The following ERBIN variants were observed in gnomAD, a reference collection of about 807,000 sequenced individuals.
ERBIN encodes densin-180-like protein.
In ERBIN, 60 loss-of-function variants were observed where a neutral mutation model predicts 158.4. The observed-to-expected ratio is 0.38, with a 90% CI of 0.31 to 0.47. The LOEUF (loss-of-function observed/expected upper bound fraction) is 0.47, where lower values mean the gene tolerates loss of function less well. ERBIN is among the 20% of genes least tolerant of loss of function. The pLI is 0.99. For synonymous variants in ERBIN, 594 were observed against 557.2 expected, an observed-to-expected ratio of 1.07 and a Z score of -0.93; for missense variants, 1,610 against 1,648.0, an observed-to-expected ratio of 0.98 and a Z score of 0.40.
Position 66,055,092 on chromosome 5 carries a change from A to G in ERBIN, c.3633+141A>G, listed in dbSNP as rs189522021. On this transcript the variant is annotated intron_variant, in intron 21 of 25. Transcript: ENST00000284037. ...CTCTGGTACTGGGAATAGAGTTCCA[A>G]ATTTAAACTCAGCCAGGACAATTGG... 23 of 1,408,968 alleles carry G rather than the reference A, an allele frequency of 1.6e-5. No individual in the cohort carries two copies. The Admixed American group carries it at 4.8e-4, about 29-fold the overall frequency. The allele number at this position is 1,408,968 out of a possible 1,614,324, so 87.3% of individuals were successfully genotyped here.
At chr5:65,974,991 A>AT (rs1352420171) in intron 1 of ERBIN, among the ~76,000 whole-genome samples, 2 of 152,062 alleles carry the variant, frequency 1.3e-5, no homozygotes, top group African/African-American at 2.4e-5. Flanking sequence ...GTGAATTTAG[A>AT]TTGTCTATTG....
chr5:65,965,702 T>C (rs578109741), intron 1 of ERBIN, among the ~76,000 whole-genome samples: 11 of 152,242 alleles, frequency 7.2e-5, no homozygotes, highest in South Asian at 2.1e-4. Flanking sequence ...CCCATTCTTA[T>C]CAGATTTAAC....
At chr5:66,044,025 T>C (rs2151204733) in intron 16 of ERBIN, 112 bp from the exon 17 acceptor site, 5 of 663,248 alleles carry the variant, frequency 7.5e-6, no homozygotes, top group East Asian at 3.3e-5. Context: ...TTCACAGTTA[T>C]CCCTATGAGC....
At chr5:65,932,238 C>G (rs1334271614) in intron 1 of ERBIN, among the ~76,000 whole-genome samples, 1 of 150,910 alleles carries the variant, frequency 6.6e-6, no homozygotes, top group Non-Finnish European at 1.5e-5. Flanking sequence ...ACTCAGGAGG[C>G]TGAGGCAGGA....
At chr5:66,068,541 C>T (rs1446869575) in intron 21 of ERBIN, among the ~76,000 whole-genome samples, 2 of 152,112 alleles carry the variant, frequency 1.3e-5, no homozygotes, top group South Asian at 4.1e-4. Flanking sequence ...GATACACATA[C>T]ATCAGCATAT....
chr5:65,992,644 A>G (rs1580279299), intron 2 of ERBIN, 66 bp from the exon 3 acceptor site: 1 of 1,186,402 alleles, frequency 8.4e-7, no homozygotes, highest in Non-Finnish European at 1.2e-6. Context: ...ATAGATTGGA[A>G]TGATTTGTTC....
rs56916452 is a variant in ERBIN at position 66,031,608 on chromosome 5, G to A, written c.1206+3265G>A. The stretch of plus-strand genomic sequence containing the variant: ...GAGCTTTGGGAAGCTGAGGTGGGAG[G>A]ATCTTTTGAGGCCCGAGTTTGAGAC... On this transcript the variant is annotated intron_variant, in intron 14 of 25. Transcript: ENST00000284037. 1.1e-3 allele frequency among the ~76,000 whole-genome samples: 164 copies of A among 152,302 alleles called. 1 individual carries two copies. The East Asian group carries it at 0.028, about 26-fold the overall frequency.
intron 4 of ERBIN, among the ~76,000 whole-genome samples, chr5:65,998,816 G>T (rs1300226466): frequency 6.7e-6 from 1 of 148,768 alleles, no homozygotes; most frequent in Non-Finnish European, 1.5e-5. Context: ...GATTGCTTGA[G>T]CCTGGGAAGT....
intron 1 of ERBIN, among the ~76,000 whole-genome samples, chr5:65,982,569 GTC>G (rs1353355786): frequency 2.6e-5 from 4 of 152,050 alleles, no homozygotes; most frequent in African/African-American, 9.7e-5. Context: ...TTGATGATCT[GTC>G]TCATCAAAAT....
Position 66,082,294 on chromosome 5 carries a change from G to C in ERBIN, c.*3764G>C, listed in dbSNP as rs928403546. 1.6e-4 allele frequency: 25 copies of C among 152,140 alleles called. No homozygotes were observed. Among genetic ancestry groups the C allele is most frequent in the Admixed American group, 1.3e-3 (20 of 15,282 alleles). The allele number at this position is 152,140 out of a possible 1,614,324, so 9.4% of individuals were successfully genotyped here. A position where few individuals can be genotyped will look rare whatever the true frequency, so the allele number is the denominator to read the frequency against. ...TGTAGAGAACAATCAAAATACTCCT[G>C]AACCTTTCTATAGAATCTTTAGGAG... On this transcript the variant is annotated 3_prime_UTR_variant, in exon 26 of 26. Transcript: ENST00000284037.
chr5:66,034,137 G>A (rs993777915), intron 14 of ERBIN, among the ~76,000 whole-genome samples: 3 of 149,948 alleles, frequency 2.0e-5, no homozygotes, highest in Admixed American at 2.0e-4. Context: ...AAAAGAATAT[G>A]AGAAGCAGTT....
At chr5:65,926,995 CT>C (rs1371742195) in intron 1 of ERBIN, among the ~76,000 whole-genome samples, 189 bp downstream of exon 1, 1 of 151,514 alleles carries the variant, frequency 6.6e-6, no homozygotes, top group Non-Finnish European at 1.5e-5. Flanking sequence ...CTTCTCCCCC[CT>C]GCCCCCCCCA....
chr5:66,044,793 A>G (rs1013505490), intron 17 of ERBIN, among the ~76,000 whole-genome samples: 1 of 145,806 alleles, frequency 6.9e-6, no homozygotes, highest in Non-Finnish European at 1.5e-5. Flanking sequence ...TATAAGGGAG[A>G]TGGCTGGCCA....
intron 21 of ERBIN, among the ~76,000 whole-genome samples, chr5:66,063,366 G>A (rs1314187745): frequency 6.6e-6 from 1 of 152,176 alleles, no homozygotes; most frequent in Non-Finnish European, 1.5e-5. Flanking sequence ...CTCCTGGTGT[G>A]CGGTTTGTTA....
chr5:66,018,711 A>C (rs1755333639), intron 7 of ERBIN, among the ~76,000 whole-genome samples: 1 of 143,012 alleles, frequency 7.0e-6, no homozygotes, highest in Non-Finnish European at 1.5e-5. Context: ...ATCTTGGCTC[A>C]CTGCAAGCTC....
At chr5:65,994,408 G>A (rs1049664334) in intron 3 of ERBIN, among the ~76,000 whole-genome samples, 1 of 152,046 alleles carries the variant, frequency 6.6e-6, no homozygotes, top group Non-Finnish European at 1.5e-5. Flanking sequence ...CTTAAATAGG[G>A]CTTTCATTTT....
At chr5:65,996,595 C>T (rs538488862) in intron 4 of ERBIN, among the ~76,000 whole-genome samples, 12 of 152,054 alleles carry the variant, frequency 7.9e-5, no homozygotes, top group Non-Finnish European at 1.8e-4. Flanking sequence ...TCTTTTTGTT[C>T]ACCGTTGCTT....
chr5:65,992,192 C>G (rs1188772840), intron 2 of ERBIN, among the ~76,000 whole-genome samples: 1 of 152,128 alleles, frequency 6.6e-6, no homozygotes, highest in Non-Finnish European at 1.5e-5. Context: ...CTCTGTTGCC[C>G]AGGCTGGAAT....
At chr5:66,016,751 C>T (rs1426849886) in intron 7 of ERBIN, among the ~76,000 whole-genome samples, 1 of 151,912 alleles carries the variant, frequency 6.6e-6, no homozygotes. Context: ...GTGGCTGGGA[C>T]TATAAGCATG....
Sources: gnomAD v4.1 joint callset for allele counts (sites outside exome capture counted in the v4.1 genomes callset) on GRCh38, gnomAD v4.1.1 for gene constraint, MANE v1.5 for transcripts, NCBI Gene and HGNC (gene_info 2026-07-23, HGNC 2026-07-21) for gene names.